Variants in PPP4R3B observed in about 807,000 individuals in gnomAD.
The protein encoded by PPP4R3B is serine/threonine-protein phosphatase 4 regulatory subunit 3B.
PPP4R3B carries 52 observed loss-of-function variants against 95.4 expected under a neutral mutation model. The ratio of observed to expected loss-of-function variants is 0.54; its 90% CI spans 0.44 to 0.69. PPP4R3B has a LOEUF of 0.69. Among genes scored for constraint, PPP4R3B ranks in the 30% least tolerant of loss-of-function variants. The pLI is 0.00. For synonymous variants in PPP4R3B, 407 were observed against 343.9 expected (o/e 1.18, Z -2.03); for missense variants, 1,003 against 1,005.9 (o/e 1.00, Z 0.04).
chr2:55,581,755 A>G lies in PPP4R3B; in HGVS notation c.1234-57T>C, dbSNP rs570305562. ...TTTCCATTAGACCTGGTTTAGATCT[A>G]AGACAAAAACACCAACTGAAAGAGC... On this transcript the variant is annotated intron_variant, in intron 7 of 16. Coordinates refer to ENST00000616407, the MANE Select transcript of PPP4R3B (RefSeq NM_001122964.3). 45 of 1,560,988 alleles carry G rather than the reference A, an allele frequency of 2.9e-5. No individual in the cohort carries two copies. The African/African-American group carries it at 5.9e-4, about 20-fold the overall frequency.
chr2:55,576,896 C>T (rs979622563), intron 11 of PPP4R3B, among the ~76,000 whole-genome samples: 1 of 152,112 alleles, frequency 6.6e-6, no homozygotes, highest in Non-Finnish European at 1.5e-5. Flanking sequence ...GTGCACACAG[C>T]ACATGTCTTT....
In PPP4R3B at chr2:55,612,761, G is replaced by A. The variant is rs187212691; in HGVS notation, c.198+2690C>T. On this transcript the variant is annotated intron_variant, in intron 2 of 16. Transcript: ENST00000616407. The stretch of plus-strand genomic sequence containing the variant: ...AGATCGAGACCATTCTGGCTAACAC[G>A]GTGAAACCCCATCTCTACTAAAAAA... Among the ~76,000 whole-genome samples the A allele has an allele frequency of 6.1e-3, 920 of 152,032 alleles. 3 individuals are homozygous for A. Among genetic ancestry groups the A allele is most frequent in the Non-Finnish European group, 9.2e-3 (624 of 67,982 alleles).
chr2:55,603,101 C>T (rs111664706), intron 3 of PPP4R3B, among the ~76,000 whole-genome samples: 56 of 152,104 alleles, frequency 3.7e-4, no homozygotes, highest in African/African-American at 1.2e-3. Context: ...TACAGGCATG[C>T]GCTACCACGC....
At chr2:55,565,768 T>C (rs1265032141) in intron 13 of PPP4R3B, 1 of 206,598 alleles carries the variant, frequency 4.8e-6, no homozygotes, top group East Asian at 1.1e-4. Flanking sequence ...CTGCCACATA[T>C]ATCATATAGG....
intron 4 of PPP4R3B, among the ~76,000 whole-genome samples, chr2:55,589,379 G>A (rs778204012): frequency 6.6e-6 from 1 of 152,138 alleles, no homozygotes; most frequent in Non-Finnish European, 1.5e-5. Context: ...AAGGAAAACA[G>A]TAAAGGAGGC....
chr2:55,599,253 C>T (rs1431531313), intron 3 of PPP4R3B, among the ~76,000 whole-genome samples: 1 of 151,928 alleles, frequency 6.6e-6, no homozygotes, highest in East Asian at 1.9e-4. Flanking sequence ...GCCTGGGCAA[C>T]ATGGTGAAAC....
intron 15 of PPP4R3B, among the ~76,000 whole-genome samples, chr2:55,563,064 G>T (rs1686827966): frequency 1.3e-5 from 2 of 152,156 alleles, no homozygotes; most frequent in Admixed American, 1.3e-4. Context: ...ACTGGATACA[G>T]AACTTCAAAT....
intron 15 of PPP4R3B, among the ~76,000 whole-genome samples, chr2:55,560,554 G>A (rs542320537): frequency 7.2e-4 from 109 of 152,080 alleles, no homozygotes; most frequent in Non-Finnish European, 1.4e-3. Flanking sequence ...TGAGACAAGC[G>A]GATCACGAAG....
At position 55,608,638 on chromosome 2, in the gene PPP4R3B, G is replaced by A. The variant is rs78972596; in HGVS notation, c.199-4562C>T. ...CAATTCCACAGATTGATACTATTAA[G>A]TATTTTGGATCATGTCATCACTTTG... On this transcript the variant is annotated intron_variant, in intron 2 of 16. Coordinates refer to ENST00000616407, the MANE Select transcript of PPP4R3B (RefSeq NM_001122964.3). Among the ~76,000 whole-genome samples the A allele has an allele frequency of 6.8e-3, 1,030 of 152,256 alleles. 18 individuals carry two copies. The highest frequency in any genetic ancestry group is 0.024 in the African/African-American group (983 of 41,542).
At chr2:55,582,519 T>C (rs746647079) in intron 7 of PPP4R3B, among the ~76,000 whole-genome samples, 45 of 152,358 alleles carry the variant, frequency 3.0e-4, no homozygotes, top group Non-Finnish European at 5.0e-4. Context: ...ATTTGTTTCA[T>C]TGATTCTAAA....
In PPP4R3B at chr2:55,598,740, T is replaced by C. The variant is rs775307901; in HGVS notation, c.597A>G (p.Arg199=). 6.2e-7 allele frequency: 1 copy of C among 1,614,250 alleles called. No homozygotes were observed. Among genetic ancestry groups the C allele is most frequent in the Non-Finnish European group, 8.5e-7 (1 of 1,180,048 alleles). The part of the protein sequence containing the change: ...EGLHHLYEII[R]GILFLNKATL... ...TTGCCTTATTTAGGAATAAGATTCC[T>C]CTAATAATTTCATACAAATGGTGTA... is the stretch of plus-strand genomic sequence containing the variant. Residue 199 remains arginine, a synonymous_variant, in exon 4 of 17, where the codon AGA becomes AGG. Transcript: ENST00000616407.
At position 55,576,216 on chromosome 2, in the gene PPP4R3B, G is replaced by A. The variant is rs977503297; in HGVS notation, c.1606+1099C>T. The stretch of plus-strand genomic sequence containing the variant: ...ACAAAAAAATTAGTTGGGCGTGGTG[G>A]TGCACACCTGTGATCCCAGCTACTT... On this transcript the variant is annotated intron_variant, in intron 11 of 16. Coordinates refer to ENST00000616407, the MANE Select transcript of PPP4R3B (RefSeq NM_001122964.3). 3.5e-4 allele frequency among the ~76,000 whole-genome samples: 54 copies of A among 152,272 alleles called. 1 individual carries two copies. The highest frequency in any genetic ancestry group is 1.2e-3 in the African/African-American group (48 of 41,556).
chr2:55,558,752 G>A (rs781245218), intron 16 of PPP4R3B, 23 bp downstream of exon 16: 59 of 1,473,954 alleles, frequency 4.0e-5, no homozygotes, highest in African/African-American at 5.7e-5. Context: ...AGCAAAGTTT[G>A]TGTGTAATGC....
Position 55,585,305 on chromosome 2 carries a change from T to C in PPP4R3B, c.1117-138A>G, listed in dbSNP as rs1231148360. 6 of 519,766 alleles carry C rather than the reference T, an allele frequency of 1.2e-5. No individual in the cohort carries two copies. The East Asian group carries it at 1.3e-4, about 12-fold the overall frequency. 32.2% of individuals were successfully genotyped at this position (519,766 alleles called of 1,614,324 possible). ...TTTACTGCAATCAATGTGTATAACC[T>C]TGCCAGTATGTTCTTCCTTTCTTTT... On this transcript the variant is annotated intron_variant, in intron 6 of 16. Coordinates refer to ENST00000616407, the MANE Select transcript of PPP4R3B (RefSeq NM_001122964.3).
chr2:55,615,149 G>A (rs768791731), intron 2 of PPP4R3B: 2 of 233,708 alleles, frequency 8.6e-6, no homozygotes, highest in African/African-American at 2.3e-5. Flanking sequence ...TCCTTTAAAC[G>A]TGACTCAGAA....
intron 4 of PPP4R3B, among the ~76,000 whole-genome samples, chr2:55,590,334 A>C (rs1041804120): frequency 9.9e-5 from 15 of 152,156 alleles, no homozygotes; most frequent in African/African-American, 3.6e-4. Context: ...TCTCAACAAC[A>C]ACAAAATAAT....
chr2:55,594,913 A>G (rs1198317984), intron 4 of PPP4R3B, among the ~76,000 whole-genome samples: 1 of 149,950 alleles, frequency 6.7e-6, no homozygotes, highest in Non-Finnish European at 1.5e-5. Context: ...GCAAAAAATT[A>G]AAGTAAACAA....
rs182493747 is a variant in PPP4R3B at position 55,557,631 on chromosome 2, T to C, written c.2454+1144A>G. Among the ~76,000 whole-genome samples, 229 of 152,358 alleles carry C rather than the reference T, an allele frequency of 1.5e-3. 1 individual carries two copies. Among genetic ancestry groups the C allele is most frequent in the African/African-American group, 5.2e-3 (215 of 41,592 alleles). ...CTATTGTCAAGAGCCTATCTCACTA[T>C]ACTACTGAATGAAAATTCTACATTT... On this transcript the variant is annotated intron_variant, in intron 16 of 16. Coordinates refer to ENST00000616407, the MANE Select transcript of PPP4R3B (RefSeq NM_001122964.3).
chr2:55,607,086 T>C (rs1045079442), intron 2 of PPP4R3B, among the ~76,000 whole-genome samples: 1 of 152,172 alleles, frequency 6.6e-6, no homozygotes, highest in Non-Finnish European at 1.5e-5. Context: ...TCTCCACATA[T>C]AGGCTACAAT....
Sources: allele counts gnomAD v4.1 joint callset (sites outside exome capture counted in the v4.1 genomes callset), GRCh38; gene constraint gnomAD v4.1.1; transcripts MANE v1.5; gene names NCBI Gene and HGNC (gene_info 2026-07-23, HGNC 2026-07-21).